The following CCDC192 variants were observed in gnomAD, a reference collection of about 807,000 sequenced individuals.
The protein encoded by CCDC192 is coiled-coil domain containing 192.
At chr5:127,815,704 A>G (rs1335890793) in intron 5 of CCDC192, among the ~76,000 whole-genome samples, 1 of 151,980 alleles carries the variant, frequency 6.6e-6, no homozygotes, top group Admixed American at 6.6e-5. Flanking sequence ...CGTCTCTACT[A>G]AAAATACAAA....
chr5:127,757,718 G>A (rs1312678267), intron 3 of CCDC192, among the ~76,000 whole-genome samples: 2 of 150,344 alleles, frequency 1.3e-5, no homozygotes, highest in Non-Finnish European at 3.0e-5. Context: ...ACCAGGCCAT[G>A]CCACTAAGGG....
chr5:127,830,948 T>C (rs991970557), intron 5 of CCDC192, among the ~76,000 whole-genome samples: 4 of 152,194 alleles, frequency 2.6e-5, no homozygotes, highest in Non-Finnish European at 4.4e-5. Flanking sequence ...TAACTGAGTA[T>C]CTGTTAATGC....
At chr5:127,778,827 C>T (rs1374185292) in intron 3 of CCDC192, among the ~76,000 whole-genome samples, 2 of 151,012 alleles carry the variant, frequency 1.3e-5, no homozygotes, top group Non-Finnish European at 2.9e-5. Flanking sequence ...TTTTCTATTT[C>T]TTCTTGAGTC....
chr5:127,772,683 A>G (rs966782825), intron 3 of CCDC192, among the ~76,000 whole-genome samples: 3 of 152,114 alleles, frequency 2.0e-5, no homozygotes, highest in Non-Finnish European at 2.9e-5. Context: ...ACCTCTATAT[A>G]TTGCATACCC....
intron 2 of CCDC192, among the ~76,000 whole-genome samples, chr5:127,722,426 G>A (rs1457882919): frequency 6.6e-6 from 1 of 151,836 alleles, no homozygotes; most frequent in Admixed American, 6.6e-5. Context: ...TCACTTTGTT[G>A]ATTATTTCCT....
intron 5 of CCDC192, among the ~76,000 whole-genome samples, chr5:127,841,212 G>A (rs1437034207): frequency 4.6e-5 from 7 of 152,196 alleles, no homozygotes; most frequent in Non-Finnish European, 2.9e-5. Context: ...AGTGGAGTCC[G>A]AAATACACTT....
intron 5 of CCDC192, among the ~76,000 whole-genome samples, chr5:127,817,738 G>T (rs1580705612): frequency 6.6e-6 from 1 of 152,006 alleles, no homozygotes; most frequent in Non-Finnish European, 1.5e-5. Flanking sequence ...TTGCTGAATT[G>T]TACACTTTAA....
chr5:127,818,384 TA>T (rs1489893350), intron 5 of CCDC192, among the ~76,000 whole-genome samples: 1 of 152,052 alleles, frequency 6.6e-6, no homozygotes, highest in Non-Finnish European at 1.5e-5. Flanking sequence ...ACATTTTTTT[TA>T]AAAAACGAAT....
intron 6 of CCDC192, among the ~76,000 whole-genome samples, chr5:127,925,841 TAAATGTCC>T (rs1311587893): frequency 6.6e-6 from 1 of 152,204 alleles, no homozygotes; most frequent in Non-Finnish European, 1.5e-5. Context: ...TTTCAAACAA[TAAATGTCC>T]AAGTGCTCAG....
intron 2 of CCDC192, among the ~76,000 whole-genome samples, chr5:127,732,351 T>C (rs1752688446): frequency 6.6e-6 from 1 of 152,174 alleles, no homozygotes; most frequent in African/African-American, 2.4e-5. Flanking sequence ...CAACAGATGC[T>C]GGCAATGCTA....
In CCDC192 at chr5:127,769,716, T is replaced by A. The variant is rs73345034; in HGVS notation, c.222+15341T>A. Among the ~76,000 whole-genome samples, 715 of 152,252 alleles carry A rather than the reference T, an allele frequency of 4.7e-3. 1 individual carries two copies. Among genetic ancestry groups the A allele is most frequent in the African/African-American group, 0.016 (670 of 41,554 alleles). ...GCATGAGGTGCTCAAATGTGTAATA[T>A]TTTATTGTGAGGTTGAATAAGGTGC... On this transcript the variant is annotated intron_variant, in intron 3 of 6. Coordinates refer to ENST00000514853, the MANE Select transcript of CCDC192 (RefSeq NM_001317938.2).
At chr5:127,728,556 T>C (rs1580542082) in intron 2 of CCDC192, among the ~76,000 whole-genome samples, 1 of 152,088 alleles carries the variant, frequency 6.6e-6, no homozygotes, top group South Asian at 2.1e-4. Flanking sequence ...GCACTAAATA[T>C]GGAAAGGAAA....
At chr5:127,859,715 C>G (rs574865615) in intron 5 of CCDC192, among the ~76,000 whole-genome samples, 1 of 152,270 alleles carries the variant, frequency 6.6e-6, no homozygotes, top group South Asian at 2.1e-4. Flanking sequence ...AGATTCCCTT[C>G]TCTACTCCAT....
intron 6 of CCDC192, among the ~76,000 whole-genome samples, chr5:127,919,178 C>T (rs1383412852): frequency 6.6e-6 from 1 of 151,530 alleles, no homozygotes; most frequent in Non-Finnish European, 1.5e-5. Flanking sequence ...GAAAATGATG[C>T]AGCTTATCCA....
intron 6 of CCDC192, among the ~76,000 whole-genome samples, chr5:127,898,687 C>G (rs1016519907): frequency 2.0e-5 from 3 of 152,024 alleles, no homozygotes; most frequent in Non-Finnish European, 1.5e-5. Flanking sequence ...GACAAAGCAG[C>G]CTTCCAGGGA....
intron 5 of CCDC192, among the ~76,000 whole-genome samples, chr5:127,871,327 TTAAG>T (rs1278854449): frequency 6.6e-6 from 1 of 152,238 alleles, no homozygotes; most frequent in African/African-American, 2.4e-5. Context: ...TTGCTTTCAA[TTAAG>T]TATGAATTTT....
In CCDC192 at chr5:127,905,548, A is replaced by T. The variant is rs548756340; in HGVS notation, c.535+29887A>T. ...TGCTTTCATGTCAAGTTCACAATTT[A>T]TGTGATGAAAATTGCCCTTTTTCAA... On this transcript the variant is annotated intron_variant, in intron 6 of 6. Coordinates refer to ENST00000514853, the MANE Select transcript of CCDC192 (RefSeq NM_001317938.2). Among the ~76,000 whole-genome samples the T allele has an allele frequency of 2.0e-5, 3 of 152,356 alleles. No homozygotes were observed. The South Asian group carries it at 6.2e-4, about 32-fold the overall frequency.
intron 6 of CCDC192, among the ~76,000 whole-genome samples, chr5:127,923,089 T>C (rs1223292448): frequency 6.6e-6 from 1 of 152,216 alleles, no homozygotes; most frequent in African/African-American, 2.4e-5. Context: ...AGGCCACTAG[T>C]TCAAGACTTG....
At chr5:127,865,001 G>T (rs563289764) in intron 5 of CCDC192, among the ~76,000 whole-genome samples, 89 of 152,174 alleles carry the variant, frequency 5.8e-4, no homozygotes, top group African/African-American at 2.1e-3. Flanking sequence ...CAAAAAATTG[G>T]CCAGGCGTGG....
Sources: gnomAD v4.1 joint callset for allele counts (sites outside exome capture counted in the v4.1 genomes callset) on GRCh38, gnomAD v4.1.1 for gene constraint, MANE v1.5 for transcripts, NCBI Gene and HGNC (gene_info 2026-07-23, HGNC 2026-07-21) for gene names.